Variants in APPL1 observed in about 807,000 individuals in gnomAD.
APPL1 encodes DCC-interacting protein 13-alpha.
In APPL1, 42 loss-of-function variants were observed where a neutral mutation model predicts 106.8. That is an observed-to-expected ratio of 0.39 (90% CI 0.31 to 0.51). APPL1 has a LOEUF of 0.51. APPL1 is among the 20% of genes least tolerant of loss of function. APPL1 has a pLI of 0.75. For synonymous variants in APPL1, 263 were observed against 281.8 expected, an observed-to-expected ratio of 0.93 and a Z score of 0.67; for missense variants, 769 against 858.2, an observed-to-expected ratio of 0.90 and a Z score of 1.30.
chr3:57,244,274 G>A (rs545979166), intron 7 of APPL1, among the ~76,000 whole-genome samples: 1 of 151,952 alleles, frequency 6.6e-6, no homozygotes, highest in African/African-American at 2.4e-5. Flanking sequence ...TCCTGTTTCA[G>A]CCTCCCCAGT....
At chr3:57,251,850 G>A (rs2060806555) in intron 11 of APPL1, among the ~76,000 whole-genome samples, 1 of 152,042 alleles carries the variant, frequency 6.6e-6, no homozygotes, top group African/African-American at 2.4e-5. Context: ...GATTAACATT[G>A]AAATATTTGA....
At chr3:57,235,735 C>A in intron 2 of APPL1, 71 bp downstream of exon 2, 2 of 1,125,884 alleles carry the variant, frequency 1.8e-6, no homozygotes, top group Non-Finnish European at 2.6e-6. Context: ...CAGATAGTGT[C>A]TGTCTTGTTT....
rs555812791 is a variant in APPL1 at position 57,256,963 on chromosome 3, G to T, written c.1159G>T (p.Ala387Ser). The T allele has an allele frequency of 1.2e-6, 2 of 1,613,914 alleles. No individual in the cohort carries two copies. Among genetic ancestry groups the T allele is most frequent in the South Asian group, 2.2e-5 (2 of 91,050 alleles). ...TTTAAAAAAATTGAAATAGGAAACTGCTGCACGAGTAAATCAATCAGCTCT... is the reference window on the plus strand; with the variant it reads ...TTTAAAAAAATTGAAATAGGAAACTTCTGCACGAGTAAATCAATCAGCTCT... ...IYLSENPEET[A>S]ARVNQSALEA... is the part of the protein sequence containing the mutation. Residue 387 changes from alanine to serine, a missense_variant, in exon 14 of 22, where the codon GCT becomes TCT. Coordinates refer to ENST00000288266, the MANE Select transcript of APPL1 (RefSeq NM_012096.3).
intron 16 of APPL1, 166 bp from the exon 17 acceptor site, chr3:57,259,679 T>TAG: frequency 5.4e-6 from 3 of 556,484 alleles, no homozygotes. Flanking sequence ...ATACTGTAGT[T>TAG]AGGAGTTATT....
rs781434488 is a variant in APPL1, at chr3:57,227,928, C to T, written c.45C>T (p.Asp15=). The T allele has an allele frequency of 1.4e-6, 2 of 1,460,534 alleles. No individual in the cohort carries two copies. Among genetic ancestry groups the T allele is most frequent in the South Asian group, 2.6e-5 (2 of 76,420 alleles). The allele number at this position is 1,460,534 out of a possible 1,614,324, so 90.5% of individuals were successfully genotyped here. A position where few individuals can be genotyped will look rare whatever the true frequency, so the allele number is the denominator to read the frequency against. The change falls in exon 1 of 22, where the codon GAC becomes GAT. Residue 15 remains aspartate (D), a synonymous_variant. Coordinates refer to ENST00000288266, the MANE Select transcript of APPL1 (RefSeq NM_012096.3). ...DKLPIEETLE[D]SPQTRSLLGV... is the part of the protein sequence containing the mutation. ...TGCCCATCGAGGAGACGCTGGAGGACAGCCCGCAGGTGAGGCGCGGGAGCT... is the reference window on the plus strand; with the variant it reads ...TGCCCATCGAGGAGACGCTGGAGGATAGCCCGCAGGTGAGGCGCGGGAGCT...
chr3:57,245,722 T>C (rs1311069207), intron 7 of APPL1, among the ~76,000 whole-genome samples: 1 of 152,002 alleles, frequency 6.6e-6, no homozygotes, highest in East Asian at 1.9e-4. Flanking sequence ...TTTTTTTCCA[T>C]TTTTAATAGA....
intron 7 of APPL1, among the ~76,000 whole-genome samples, chr3:57,244,531 G>C (rs1003104729): frequency 3.9e-5 from 6 of 152,194 alleles, no homozygotes; most frequent in Non-Finnish European, 7.3e-5. Context: ...ATCGGAGAGA[G>C]TGCTTTCCTG....
chr3:57,242,120 A>G lies in APPL1; in HGVS notation c.393A>G (p.Glu131=). Residue 131 remains glutamate, a synonymous_variant, in exon 6 of 22, where the codon GAA becomes GAG. Coordinates refer to ENST00000288266, the MANE Select transcript of APPL1 (RefSeq NM_012096.3). ...TTTCAGAAATACTAACATTAAAGGA[A>G]GTATTTCAGATTGCAAGTAATGGTA... ...RDLKEILTLK[E]VFQIASNDHD... The G allele has an allele frequency of 6.3e-7, 1 of 1,593,770 alleles. No individual in the cohort carries two copies. Among genetic ancestry groups the G allele is most frequent in the Non-Finnish European group, 8.6e-7 (1 of 1,167,314 alleles).
At chr3:57,257,636 T>C (rs1404878771) in intron 15 of APPL1, among the ~76,000 whole-genome samples, 1 of 152,210 alleles carries the variant, frequency 6.6e-6, no homozygotes, top group Non-Finnish European at 1.5e-5. Context: ...GATAATTTAG[T>C]TTCCAAATAT....
At chr3:57,264,449 T>G (rs1428558651) in intron 19 of APPL1, among the ~76,000 whole-genome samples, 1 of 151,924 alleles carries the variant, frequency 6.6e-6, no homozygotes, top group Non-Finnish European at 1.5e-5. Flanking sequence ...CTCAAGAAAT[T>G]TTTGCCCAGA....
intron 6 of APPL1, 94 bp from the exon 7 acceptor site, chr3:57,242,762 G>A (rs915647955): frequency 1.2e-5 from 11 of 914,752 alleles, no homozygotes; most frequent in Admixed American, 2.2e-5. Context: ...GCTTTAGTAC[G>A]TTTGTGGAAA....
In APPL1 at chr3:57,273,380, A is replaced by G. The variant is rs1033340656; in HGVS notation, c.*3693A>G. 1.3e-5 allele frequency: 2 copies of G among 152,636 alleles called. No individual in the cohort carries two copies. The highest frequency in any genetic ancestry group is 1.9e-4 in the East Asian group (1 of 5,202). 9.5% of individuals were successfully genotyped at this position (152,636 alleles called of 1,614,324 possible). ...ATTTTTTCATTTTGTCACAATAGGT[A>G]TATACTGACAAGGCTTCAGGAAAAA... On this transcript the variant is annotated 3_prime_UTR_variant, in exon 22 of 22. Transcript: ENST00000288266.
At chr3:57,248,519 C>G (rs1371110583) in intron 10 of APPL1, among the ~76,000 whole-genome samples, 168 bp downstream of exon 10, 4 of 152,136 alleles carry the variant, frequency 2.6e-5, no homozygotes, top group African/African-American at 2.4e-5. Flanking sequence ...TACATGAATA[C>G]TTTTCAGAAG....
At chr3:57,236,608 G>A (rs201856803) in intron 2 of APPL1, among the ~76,000 whole-genome samples, 16 of 152,330 alleles carry the variant, frequency 1.1e-4, no homozygotes, top group Non-Finnish European at 1.9e-4. Flanking sequence ...GATTACAGGC[G>A]TGAGCCACTG....
chr3:57,258,960 A>T, intron 15 of APPL1, 68 bp from the exon 16 acceptor site: 1 of 1,192,226 alleles, frequency 8.4e-7, no homozygotes, highest in Non-Finnish European at 1.2e-6. Flanking sequence ...TGGTTTTAAT[A>T]ATTAGATTTC....
chr3:57,264,105 A>G (rs188939943), intron 19 of APPL1, among the ~76,000 whole-genome samples: 2 of 152,246 alleles, frequency 1.3e-5, no homozygotes, highest in African/African-American at 2.4e-5. Context: ...GATACATTGT[A>G]GTTTTGATTT....
chr3:57,242,202 A>C, intron 6 of APPL1, 60 bp downstream of exon 6: 2 of 1,268,452 alleles, frequency 1.6e-6, no homozygotes, highest in Admixed American at 2.2e-5. Flanking sequence ...ATCAGTGCAT[A>C]TCTGTGGCCA....
intron 21 of APPL1, 124 bp downstream of exon 21, chr3:57,268,611 A>G (rs1484594760): frequency 8.8e-7 from 1 of 1,136,754 alleles, no homozygotes; most frequent in African/African-American, 1.5e-5. Flanking sequence ...CTTCATAAAC[A>G]GATGATTCAT....
intron 15 of APPL1, among the ~76,000 whole-genome samples, chr3:57,257,860 G>T (rs1447036451): frequency 2.0e-5 from 3 of 152,170 alleles, no homozygotes; most frequent in Non-Finnish European, 4.4e-5. Context: ...AATTATGAAT[G>T]AGTCATTGTT....
Sources: gnomAD v4.1 joint callset for allele counts (sites outside exome capture counted in the v4.1 genomes callset) on GRCh38, gnomAD v4.1.1 for gene constraint, MANE v1.5 for transcripts, NCBI Gene and HGNC (gene_info 2026-07-23, HGNC 2026-07-21) for gene names.